The following RXFP2 variants were observed in gnomAD, a reference collection of about 807,000 sequenced individuals.
The protein encoded by RXFP2 is relaxin family peptide receptor 2, also known as relaxin receptor 2.
Under a neutral mutation model 88.6 loss-of-function variants are expected in RXFP2, and 68 were observed. The ratio of observed to expected loss-of-function variants is 0.77; its 90% CI spans 0.63 to 0.94. The LOEUF (loss-of-function observed/expected upper bound fraction) is 0.94, where lower values mean the gene tolerates loss of function less well. Among genes scored for constraint, RXFP2 ranks in the 40% least tolerant of loss-of-function variants. RXFP2 has a pLI of 0.00. For missense variants in RXFP2, 791 were observed against 893.9 expected (o/e 0.88, Z 1.47); for synonymous variants, 329 against 306.8 (o/e 1.07, Z -0.76).
At chr13:31,798,618 A>G (rs1280224985) in intron 17 of RXFP2, among the ~76,000 whole-genome samples, 3 of 152,204 alleles carry the variant, frequency 2.0e-5, no homozygotes, top group African/African-American at 7.2e-5. Context: ...ATTCAGCAGG[A>G]CAAAAGTGTC....
In RXFP2 at chr13:31,758,258, A is replaced by G; in HGVS notation, c.95A>G (p.Asp32Gly). Residue 32 changes from aspartate (D) to glycine (G), a missense_variant and splice_region_variant, in exon 2 of 18, where the codon GAT becomes GGT. By Grantham distance (94) the Asp-to-Gly change is moderately conservative. Coordinates refer to ENST00000298386, the MANE Select transcript of RXFP2 (RefSeq NM_130806.5). ...LHFIVLINVK[D>G]FALTQGSMIT... ...TGTTTTTGCCCCTTCTTTCATGTAGATTTTGCACTGACTCAAGGTAGCATG... is the reference window on the plus strand; with the variant it reads ...TGTTTTTGCCCCTTCTTTCATGTAGGTTTTGCACTGACTCAAGGTAGCATG... 1 of 1,614,010 alleles carries G rather than the reference A, an allele frequency of 6.2e-7. No homozygotes were observed. Among genetic ancestry groups the G allele is most frequent in the Non-Finnish European group, 8.5e-7 (1 of 1,179,954 alleles).
At chr13:31,748,565 T>C (rs1359849938) in intron 1 of RXFP2, among the ~76,000 whole-genome samples, 1 of 152,248 alleles carries the variant, frequency 6.6e-6, no homozygotes, top group East Asian at 1.9e-4. Context: ...CTTGCCCATT[T>C]TTCTATTTAC....
intron 5 of RXFP2, among the ~76,000 whole-genome samples, chr13:31,770,464 A>T (rs1185873255): frequency 1.3e-5 from 2 of 152,118 alleles, no homozygotes; most frequent in Non-Finnish European, 2.9e-5. Context: ...ACCTTCTACC[A>T]TCTTGGGCTT....
At chr13:31,767,347 A>G (rs1872587769) in intron 5 of RXFP2, among the ~76,000 whole-genome samples, 1 of 152,130 alleles carries the variant, frequency 6.6e-6, no homozygotes, top group Non-Finnish European at 1.5e-5. Context: ...TGGTCATGTC[A>G]TTGCCACACT....
intron 2 of RXFP2, among the ~76,000 whole-genome samples, chr13:31,761,174 G>T (rs1872284287): frequency 6.6e-6 from 1 of 152,070 alleles, no homozygotes; most frequent in African/African-American, 2.4e-5. Flanking sequence ...AGCTGGTCTT[G>T]AACTCCTACA....
chr13:31,802,286 A>G lies in RXFP2; in HGVS notation c.2146A>G (p.Lys716Glu), dbSNP rs1874383512. Residue 716 changes from lysine to glutamate, a missense_variant, in exon 18 of 18, where the codon AAA becomes GAA. Physicochemically the swap from Lys to Glu is moderately conservative, Grantham distance 56. Transcript: ENST00000298386. ...CAAACATCAGAGGAAATCAATTTTCAAAATTAAAAAAAAAAGTTTATCTAC... is the reference window on the plus strand; with the variant it reads ...CAAACATCAGAGGAAATCAATTTTCGAAATTAAAAAAAAAAGTTTATCTAC... ...LHKHQRKSIF[K>E]IKKKSLSTSI... 1 of 1,613,830 alleles carries G rather than the reference A, an allele frequency of 6.2e-7. No individual in the cohort carries two copies. The highest frequency in any genetic ancestry group is 1.3e-5 in the African/African-American group (1 of 74,996).
At chr13:31,759,681 G>A (rs1872205117) in intron 2 of RXFP2, among the ~76,000 whole-genome samples, 1 of 152,158 alleles carries the variant, frequency 6.6e-6, no homozygotes, top group Admixed American at 6.6e-5. Context: ...GGAGGAAACT[G>A]ATGCCAAGAG....
At chr13:31,778,114 G>A (rs1422266697) in intron 8 of RXFP2, among the ~76,000 whole-genome samples, 1 of 152,034 alleles carries the variant, frequency 6.6e-6, no homozygotes, top group Non-Finnish European at 1.5e-5. Context: ...TTCCAATGTG[G>A]CCCTTTAATA....
At chr13:31,794,886 C>T (rs1231217917) in intron 16 of RXFP2, among the ~76,000 whole-genome samples, 1 of 151,336 alleles carries the variant, frequency 6.6e-6, no homozygotes. Context: ...ACAAAGAGAT[C>T]GTCACACACA....
intron 5 of RXFP2, among the ~76,000 whole-genome samples, chr13:31,772,847 G>GA (rs1872782156): frequency 1.3e-5 from 2 of 152,206 alleles, no homozygotes; most frequent in African/African-American, 4.8e-5. Flanking sequence ...TAAGACAAAA[G>GA]CGTAAGGTCA....
chr13:31,762,353 A>T (rs1362211428), intron 3 of RXFP2, among the ~76,000 whole-genome samples: 3 of 152,232 alleles, frequency 2.0e-5, no homozygotes, highest in African/African-American at 7.2e-5. Flanking sequence ...AGGAAAGGAT[A>T]TGAGGTGACA....
chr13:31,740,131 G>A (rs1258754297), intron 1 of RXFP2, among the ~76,000 whole-genome samples: 1 of 152,020 alleles, frequency 6.6e-6, no homozygotes, highest in African/African-American at 2.4e-5. Flanking sequence ...ATTAAACTGG[G>A]AACTCCAAAG....
intron 17 of RXFP2, among the ~76,000 whole-genome samples, chr13:31,799,797 C>T (rs1874243778): frequency 6.6e-6 from 1 of 152,172 alleles, no homozygotes; most frequent in Non-Finnish European, 1.5e-5. Flanking sequence ...GTTCTGGAGG[C>T]TGGAAGTCCA....
At chr13:31,745,787 T>G (rs1238850696) in intron 1 of RXFP2, among the ~76,000 whole-genome samples, 1 of 152,228 alleles carries the variant, frequency 6.6e-6, no homozygotes, top group Non-Finnish European at 1.5e-5. Flanking sequence ...TTTCTCACAA[T>G]GGATGACCTT....
In RXFP2 at chr13:31,791,818, C is replaced by G; in HGVS notation, c.1158C>G (p.Asn386Lys). 6.2e-7 allele frequency: 1 copy of G among 1,613,872 alleles called. No homozygotes were observed. Among genetic ancestry groups the G allele is most frequent in the Non-Finnish European group, 8.5e-7 (1 of 1,179,790 alleles). The change falls in exon 15 of 18, where the codon AAC (asparagine) becomes AAG (lysine). Residue 386 changes from asparagine to lysine, a missense_variant. Physicochemically the swap from Asn to Lys is moderately conservative, Grantham distance 94. Transcript: ENST00000298386. ...CCTTTGACTTTAGTTATTTCAAAAA[C>G]TTTCGATACTGCTCCTATGCTCCCC... ...MKNLSHIYFK[N>K]FRYCSYAPHV...
intron 5 of RXFP2, 26 bp downstream of exon 5, chr13:31,766,053 A>AT (rs776613631): frequency 4.0e-5 from 43 of 1,061,822 alleles, no homozygotes; most frequent in African/African-American, 2.0e-4. Flanking sequence ...TAGCATATTT[A>AT]TTTAAAAAAA....
Position 31,792,907 on chromosome 13 carries a change from AC to A in RXFP2, c.1606del (p.Arg536GlyfsTer16). On this transcript the variant is annotated frameshift_variant, in exon 16 of 18. Transcript: ENST00000298386. LOFTEE classifies it high-confidence loss of function. ...CCTTCAGTAACATTCGACCTGGAAA[AC>A]GGCAGACCTCAGTCATCCTCATTTG... is the stretch of plus-strand genomic sequence containing the variant. ...FPFSNIRPGK[R>X]QTSVILICIW... is the part of the protein sequence containing the mutation. 2 of 1,614,184 alleles carry A rather than the reference AC, an allele frequency of 1.2e-6. No individual in the cohort carries two copies. The highest frequency in any genetic ancestry group is 1.7e-6 in the Non-Finnish European group (2 of 1,180,034).
chr13:31,796,141 C>G (rs1173309177), intron 16 of RXFP2, among the ~76,000 whole-genome samples: 1 of 145,152 alleles, frequency 6.9e-6, no homozygotes, highest in African/African-American at 2.5e-5. Context: ...GCTCCGCTTC[C>G]CGGGTTCACG....
Position 31,792,669 on chromosome 13 carries a change from C to A in RXFP2, c.1376-9C>A, listed in dbSNP as rs199771350. The A allele has an allele frequency of 2.5e-6, 4 of 1,613,614 alleles. No homozygotes were observed. The highest frequency in any genetic ancestry group is 1.1e-5 in the South Asian group (1 of 90,994). ...ACTGATGACATACACTGTTTCAATT[C>A]TTCCACAGGTGCTGATTGCCTGATG... On this transcript the variant is annotated splice_polypyrimidine_tract_variant and intron_variant, in intron 15 of 17. Coordinates refer to ENST00000298386, the MANE Select transcript of RXFP2 (RefSeq NM_130806.5).
Sources: allele counts gnomAD v4.1 joint callset (sites outside exome capture counted in the v4.1 genomes callset), GRCh38; gene constraint gnomAD v4.1.1; transcripts MANE v1.5; gene names NCBI Gene and HGNC (gene_info 2026-07-23, HGNC 2026-07-21).